The following LARGE2 variants were observed in gnomAD, a reference collection of about 807,000 sequenced individuals.
LARGE2 encodes the protein xylosyl- and glucuronyltransferase LARGE2.
A neutral mutation model predicts 75.3 loss-of-function variants in LARGE2; 63 were observed. That is an observed-to-expected ratio of 0.84 (90% CI 0.68 to 1.03). The LOEUF is 1.03. LARGE2 is among the 50% of genes least tolerant of loss of function. The pLI is 0.00. For synonymous variants in LARGE2, 428 were observed against 420.1 expected (o/e 1.02, Z -0.23); for missense variants, 925 against 980.6 (o/e 0.94, Z 0.76).
At chr11:45,923,930 G>A (rs2087028772) in intron 3 of LARGE2, among the ~76,000 whole-genome samples, 1 of 142,910 alleles carries the variant, frequency 7.0e-6, no homozygotes, top group Non-Finnish European at 1.5e-5. Context: ...AGCTTGCAGT[G>A]AGCCGAGATC....
rs770216780 is a variant in LARGE2, at chr11:45,924,214, G to A, written c.429G>A (p.Thr143=). 5.0e-6 allele frequency: 8 copies of A among 1,613,240 alleles called. No homozygotes were observed. The highest frequency in any genetic ancestry group is 6.8e-6 in the Non-Finnish European group (8 of 1,180,008). ...CCGTGGCCAGAAACATCCTGGAGAC[G>A]CTCTTCCACACATGGATGGTGCCTG... The part of the protein sequence containing the change: ...TDAVARNILE[T]LFHTWMVPAV... The change falls in exon 4 of 14, where the codon ACG becomes ACA. Residue 143 remains threonine (T), a synonymous_variant. Coordinates refer to ENST00000401752, the MANE Select transcript of LARGE2 (RefSeq NM_001300721.2).
rs371896112 is a variant in LARGE2, at chr11:45,927,530, C to A, written c.1541C>A (p.Thr514Lys). 2.5e-6 allele frequency: 4 copies of A among 1,614,190 alleles called. 1 individual carries two copies. In the Admixed American group the frequency reaches 6.7e-5, roughly 27 times the overall value. ...LRNVALAQALTPYVFLSDIDF... is the reference protein window; with the variant it reads ...LRNVALAQALKPYVFLSDIDF... The stretch of plus-strand genomic sequence containing the variant: ...AACGTGGCCTTGGCCCAGGCCCTCA[C>A]GCCTTACGTCTTCCTCAGTGACATT... The change falls in exon 11 of 14, where the codon ACG (threonine) becomes AAG (lysine). Residue 514 changes from threonine (T) to lysine (K), a missense_variant. By Grantham distance (78) the Thr-to-Lys change is moderately conservative. Around this residue, in one of 3 missense-constraint regions of LARGE2, gnomAD observed 469 missense variants for 503.8 expected, o/e 0.93. Coordinates refer to ENST00000401752, the MANE Select transcript of LARGE2 (RefSeq NM_001300721.2).
intron 10 of LARGE2, 114 bp downstream of exon 10, chr11:45,926,985 G>T: frequency 8.7e-7 from 1 of 1,143,038 alleles, no homozygotes. Context: ...CTGTCCCTCA[G>T]GGAGTTCCAG....
intron 11 of LARGE2, 79 bp downstream of exon 11, chr11:45,927,672 T>G: frequency 6.4e-7 from 1 of 1,565,590 alleles, no homozygotes; most frequent in African/African-American, 1.3e-5. Flanking sequence ...GGCTTCCATG[T>G]CCCTGCTCCT....
At chr11:45,927,282 G>C (rs980317449) in intron 10 of LARGE2, 33 bp from the exon 11 acceptor site, 13 of 1,593,814 alleles carry the variant, frequency 8.2e-6, no homozygotes, top group Non-Finnish European at 1.0e-5. Context: ...GTGCAAGAGG[G>C]GCAGAGCTGT....
In LARGE2 at chr11:45,924,490, C is replaced by T. The variant is rs757650680; in HGVS notation, c.493-16C>T. 1.9e-6 allele frequency: 3 copies of T among 1,607,726 alleles called. No homozygotes were observed. The Admixed American group carries it at 5.0e-5, about 27-fold the overall frequency. On this transcript the variant is annotated splice_polypyrimidine_tract_variant and intron_variant, in intron 4 of 13. Transcript: ENST00000401752. ...CCCCTCTCTGCCATCTCATCTCCTG[C>T]CTTTCCCCCACACAGCCCCAGGTCT...
chr11:45,923,734 C>T (rs530124527), intron 3 of LARGE2, among the ~76,000 whole-genome samples, 179 bp downstream of exon 3: 9 of 151,992 alleles, frequency 5.9e-5, no homozygotes, highest in African/African-American at 9.7e-5. Context: ...CGCCTGTAAT[C>T]CCAGCACTTT....
chr11:45,929,020 T>A lies in LARGE2; in HGVS notation c.*175T>A. 1 of 787,296 alleles carries A rather than the reference T, an allele frequency of 1.3e-6. No individual in the cohort carries two copies. The highest frequency in any genetic ancestry group is 2.0e-6 in the Non-Finnish European group (1 of 506,472). 48.8% of individuals were successfully genotyped at this position (787,296 alleles called of 1,614,324 possible). ...GTATGGCTGGGGACTGGTCTCTCTC[T>A]GCCCCAGCCAGTTTGGGGCTGGTTC... is the stretch of plus-strand genomic sequence containing the variant. On this transcript the variant is annotated 3_prime_UTR_variant, in exon 14 of 14. Transcript: ENST00000401752.
At position 45,926,210 on chromosome 11, in the gene LARGE2, GTC is replaced by G; in HGVS notation, c.883-8_883-7del. Reference sequence around the variant, plus strand: ...GGCTGGGGGCTGGGATGTGATGGGTGTCTCTGCTCAGGACATCTTCAACGCTG... The same window carrying G: ...GGCTGGGGGCTGGGATGTGATGGGTGTCTGCTCAGGACATCTTCAACGCTG... On this transcript the variant is annotated splice_polypyrimidine_tract_variant and intron_variant, in intron 7 of 13. Transcript: ENST00000401752. 27 of 1,613,694 alleles carry G rather than the reference GTC, an allele frequency of 1.7e-5. No homozygotes were observed. The highest frequency in any genetic ancestry group is 2.3e-5 in the Non-Finnish European group (27 of 1,179,762).
Position 45,922,954 on chromosome 11 carries a change from C to T in LARGE2, c.72C>T (p.Phe24=). Residue 24 remains phenylalanine, a synonymous_variant, in exon 2 of 14, where the codon TTC becomes TTT. Transcript: ENST00000401752. ...TGCTGCTGCTGCTGCTGCTCGGATT[C>T]CTCCTGTTCGGTGGGGACCTGGGGT... ...ALLLLLLLLG[F]LLFGGDLGCE... is the part of the protein sequence containing the mutation. 1.5e-6 allele frequency: 2 copies of T among 1,301,016 alleles called. No individual in the cohort carries two copies. The highest frequency in any genetic ancestry group is 2.4e-5 in the South Asian group (1 of 42,342). 80.6% of individuals were successfully genotyped at this position (1,301,016 alleles called of 1,614,324 possible).
chr11:45,926,897 G>A, intron 10 of LARGE2, 26 bp downstream of exon 10: 1 of 1,589,528 alleles, frequency 6.3e-7, no homozygotes, highest in Non-Finnish European at 8.6e-7. Context: ...GCAGCCCAGG[G>A]GGTATGGCAT....
At chr11:45,922,602 C>T (rs2086955638), upstream of LARGE2, 1 of 267,848 alleles carries the variant, frequency 3.7e-6, no homozygotes, top group Non-Finnish European at 7.0e-6. Context: ...CCCCTTCGCG[C>T]TCAGCCCCGC....
rs948684387 is a variant in LARGE2 at position 45,922,845 on chromosome 11, C to G, written c.-38C>G. Reference sequence around the variant, plus strand: ...GGGCCTGCGATGGAGCCTGCAGCCCCGGGTCGCGTCCCTCCCTGAGCGCCC... The same window carrying G: ...GGGCCTGCGATGGAGCCTGCAGCCCGGGGTCGCGTCCCTCCCTGAGCGCCC... On this transcript the variant is annotated 5_prime_UTR_variant, in exon 2 of 14. Coordinates refer to ENST00000401752, the MANE Select transcript of LARGE2 (RefSeq NM_001300721.2). 2.4e-6 allele frequency: 3 copies of G among 1,242,562 alleles called. No homozygotes were observed. Among genetic ancestry groups the G allele is most frequent in the South Asian group, 6.8e-5 (2 of 29,268 alleles). 77.0% of individuals were successfully genotyped at this position (1,242,562 alleles called of 1,614,324 possible). A position where few individuals can be genotyped will look rare whatever the true frequency, so the allele number is the denominator to read the frequency against.
chr11:45,923,149 G>A lies in LARGE2; in HGVS notation c.267G>A (p.Pro89=). The change falls in exon 2 of 14, where the codon CCG becomes CCA. Residue 89 remains proline (P), a synonymous_variant. Coordinates refer to ENST00000401752, the MANE Select transcript of LARGE2 (RefSeq NM_001300721.2). ...HNRSDCGPQP[P]PPPKCELLHV... The stretch of plus-strand genomic sequence containing the variant: ...GCTCCGACTGCGGCCCGCAGCCGCC[G>A]CCGCCGCCCAAGTGCGAGGTAGGTG... 7.4e-7 allele frequency: 1 copy of A among 1,342,642 alleles called. No individual in the cohort carries two copies. 83.2% of individuals were successfully genotyped at this position (1,342,642 alleles called of 1,614,324 possible). A position where few individuals can be genotyped will look rare whatever the true frequency, so the allele number is the denominator to read the frequency against.
Position 45,926,966 on chromosome 11 carries a change from G to T in LARGE2, c.1325+95G>T. ...CATCTGGCAGCCTGATGCTGTGGTA[G>T]TGAGCTACCTGTCCCTCAGGGAGTT... On this transcript the variant is annotated intron_variant, in intron 10 of 13. Transcript: ENST00000401752. 3.1e-6 allele frequency: 4 copies of T among 1,288,462 alleles called. No individual in the cohort carries two copies. In the South Asian group the frequency reaches 4.4e-5, roughly 14 times the overall value. 79.8% of individuals were successfully genotyped at this position (1,288,462 alleles called of 1,614,324 possible).
At position 45,926,881 on chromosome 11, in the gene LARGE2, CAG is replaced by C; in HGVS notation, c.1325+13_1325+14del. The C allele has an allele frequency of 6.2e-7, 1 of 1,604,454 alleles. No individual in the cohort carries two copies. The highest frequency in any genetic ancestry group is 8.5e-7 in the Non-Finnish European group (1 of 1,176,308). ...AGCTGTCCATGGACCGGTGAGGGTG[CAG>C]AGGGCAGCCCAGGGGGTATGGCATG... On this transcript the variant is annotated intron_variant, in intron 10 of 13. Coordinates refer to ENST00000401752, the MANE Select transcript of LARGE2 (RefSeq NM_001300721.2).
Position 45,926,570 on chromosome 11 carries a change from C to T in LARGE2, c.1137C>T (p.Pro379=), listed in dbSNP as rs1565094420. ...NLLRRELFVC[P]SQPPPGAEQL... is the part of the protein sequence containing the mutation. The stretch of plus-strand genomic sequence containing the variant: ...TGCGGAGAGAGCTCTTTGTGTGCCC[C>T]AGCCAGCCCCCACCTGGTGCTGAGC... The change falls in exon 9 of 14, where the codon CCC becomes CCT. Residue 379 remains proline, a synonymous_variant. Coordinates refer to ENST00000401752, the MANE Select transcript of LARGE2 (RefSeq NM_001300721.2). 6.2e-7 allele frequency: 1 copy of T among 1,614,110 alleles called. No individual in the cohort carries two copies. The highest frequency in any genetic ancestry group is 8.5e-7 in the Non-Finnish European group (1 of 1,180,028).
At position 45,926,726 on chromosome 11, in the gene LARGE2, G is replaced by GC. The variant is rs776917611; in HGVS notation, c.1181dup (p.Gln395ThrfsTer10). 6 of 1,613,442 alleles carry GC rather than the reference G, an allele frequency of 3.7e-6. No homozygotes were observed. The stretch of plus-strand genomic sequence containing the variant: ...GCCCCCTCAGTTGCAGCAGGCCCTG[G>GC]CACAACTGGACGAGGAAGACCCCTG... On this transcript the variant is annotated frameshift_variant, in exon 10 of 14. Transcript: ENST00000401752. LOFTEE classifies it high-confidence loss of function.
chr11:45,927,525 C>A lies in LARGE2; in HGVS notation c.1536C>A (p.Ala512=). The A allele has an allele frequency of 6.2e-7, 1 of 1,614,194 alleles. No individual in the cohort carries two copies. The highest frequency in any genetic ancestry group is 8.5e-7 in the Non-Finnish European group (1 of 1,180,034). ...TTCGCAACGTGGCCTTGGCCCAGGC[C>A]CTCACGCCTTACGTCTTCCTCAGTG... The part of the protein sequence containing the change: ...NQLRNVALAQ[A]LTPYVFLSDI... Residue 512 remains alanine, a synonymous_variant, in exon 11 of 14, where the codon GCC becomes GCA. Coordinates refer to ENST00000401752, the MANE Select transcript of LARGE2 (RefSeq NM_001300721.2).
Sources: allele counts gnomAD v4.1 joint callset (sites outside exome capture counted in the v4.1 genomes callset), GRCh38; gene constraint gnomAD v4.1.1; regional missense constraint gnomAD v4.1.1; transcripts MANE v1.5; gene names NCBI Gene and HGNC (gene_info 2026-07-23, HGNC 2026-07-21).